Variants in DNAJC6 observed in about 807,000 individuals in gnomAD.
The protein encoded by DNAJC6 is auxilin.
A neutral mutation model predicts 110.0 loss-of-function variants in DNAJC6; 34 were observed. The observed-to-expected ratio is 0.31, with a 90% CI of 0.24 to 0.41. The LOEUF (loss-of-function observed/expected upper bound fraction) is 0.41, where lower values mean the gene tolerates loss of function less well. Ranked by LOEUF, DNAJC6 falls within the 10% of genes least tolerant of loss-of-function variation. DNAJC6 has a pLI of 1.00. For missense variants in DNAJC6, 1,031 were observed against 1,207.8 expected, an observed-to-expected ratio of 0.85 and a Z score of 2.17; for synonymous variants, 406 against 437.2, an observed-to-expected ratio of 0.93 and a Z score of 0.89.
intron 4 of DNAJC6, among the ~76,000 whole-genome samples, chr1:65,377,987 C>A (rs150597747): frequency 3.9e-5 from 6 of 152,072 alleles, no homozygotes; most frequent in Admixed American, 3.3e-4. Context: ...TCAGGCTTGA[C>A]TCTTTCCTCT....
intron 4 of DNAJC6, among the ~76,000 whole-genome samples, chr1:65,375,662 G>A (rs762039721): frequency 2.0e-5 from 3 of 152,064 alleles, no homozygotes; most frequent in Non-Finnish European, 4.4e-5. Flanking sequence ...TCCTGACCTC[G>A]TGATCCGCCT....
chr1:65,313,591 T>C (rs1315167781), intron 1 of DNAJC6, among the ~76,000 whole-genome samples: 2 of 152,182 alleles, frequency 1.3e-5, no homozygotes, highest in Non-Finnish European at 2.9e-5. Flanking sequence ...GGTTTGAGTT[T>C]TTCCCCATTG....
intron 1 of DNAJC6, among the ~76,000 whole-genome samples, chr1:65,363,159 C>T (rs1238452601): frequency 6.6e-6 from 1 of 152,160 alleles, no homozygotes; most frequent in East Asian, 1.9e-4. Flanking sequence ...GAAAATCCAC[C>T]TCCATGATCC....
chr1:65,312,092 T>C (rs1476241303), intron 1 of DNAJC6, among the ~76,000 whole-genome samples: 1 of 152,218 alleles, frequency 6.6e-6, no homozygotes, highest in Non-Finnish European at 1.5e-5. Flanking sequence ...GATGGGAAAG[T>C]GTTTCATTAA....
chr1:65,275,919 CAG>C (rs1382204320), intron 1 of DNAJC6, among the ~76,000 whole-genome samples: 36 of 136,524 alleles, frequency 2.6e-4, no homozygotes, highest in African/African-American at 9.6e-4. Context: ...TTTTTTGAGA[CAG>C]AGTCTCCCTC....
chr1:65,368,372 TGCTCCA>T (rs769740251), intron 4 of DNAJC6, among the ~76,000 whole-genome samples: 60 of 74,856 alleles, frequency 8.0e-4, no homozygotes, highest in Non-Finnish European at 1.1e-3. Context: ...AAAAATCATA[TGCTCCA>T]ATAGGGATAG....
At chr1:65,281,850 C>T (rs1416706463) in intron 1 of DNAJC6, among the ~76,000 whole-genome samples, 3 of 152,024 alleles carry the variant, frequency 2.0e-5, no homozygotes, top group African/African-American at 4.8e-5. Flanking sequence ...CCTCATGATC[C>T]ACCCACCTCG....
intron 15 of DNAJC6, 32 bp downstream of exon 15, chr1:65,401,912 C>T (rs1214021587): frequency 6.2e-7 from 1 of 1,610,440 alleles, no homozygotes; most frequent in South Asian, 1.1e-5. Context: ...ATACAAATAA[C>T]ATTTATTTAT....
intron 4 of DNAJC6, among the ~76,000 whole-genome samples, chr1:65,377,047 GC>G (rs1295376693): frequency 6.6e-6 from 1 of 152,202 alleles, no homozygotes; most frequent in Non-Finnish European, 1.5e-5. Context: ...ACAGGCGTGA[GC>G]CACCACACCT....
At chr1:65,328,269 T>C (rs977016753) in intron 1 of DNAJC6, among the ~76,000 whole-genome samples, 2 of 152,248 alleles carry the variant, frequency 1.3e-5, no homozygotes, top group Non-Finnish European at 2.9e-5. Flanking sequence ...ATCTCAATGA[T>C]GAATTTATAT....
chr1:65,306,972 TTCTCTCTCTCTCTCTC>T (rs144458447), upstream of DNAJC6, among the ~76,000 whole-genome samples: 118 of 90,414 alleles, frequency 1.3e-3, 3 homozygotes, highest in Middle Eastern at 9.3e-3. Context: ...CTCAATCTGT[TTCTCTCTCTCTCTCTC>T]TCTCTCTCTC....
intron 15 of DNAJC6, among the ~76,000 whole-genome samples, chr1:65,403,168 C>T (rs1428205575): frequency 6.6e-6 from 1 of 152,240 alleles, no homozygotes; most frequent in Non-Finnish European, 1.5e-5. Flanking sequence ...TGGGGCCTTA[C>T]TATGTGCCAG....
intron 1 of DNAJC6, among the ~76,000 whole-genome samples, chr1:65,357,958 C>T (rs1341975886): frequency 6.6e-6 from 1 of 152,084 alleles, no homozygotes; most frequent in Non-Finnish European, 1.5e-5. Flanking sequence ...GCTGGCGGAT[C>T]ACTTTAGGTC....
upstream of DNAJC6, among the ~76,000 whole-genome samples, chr1:65,306,931 T>C (rs368365185): frequency 1.0e-4 from 15 of 150,324 alleles, no homozygotes; most frequent in African/African-American, 3.4e-4. Flanking sequence ...ATAATGGTAA[T>C]AGAGAACAAT....
In DNAJC6 at chr1:65,291,594, T is replaced by C. The variant is rs539166703; in HGVS notation, c.-131+26662T>C. Among the ~76,000 whole-genome samples the C allele has an allele frequency of 4.6e-5, 7 of 152,260 alleles. No individual in the cohort carries two copies. The South Asian group carries it at 1.5e-3, about 32-fold the overall frequency. On this transcript the variant is annotated intron_variant, in intron 1 of 19. Coordinates refer to the DNAJC6 transcript ENST00000263441. ...ATAAAATGTGAACTATATCCCTGCA[T>C]ACTTGAGTGGGATAAAGCTGAGCCA... is the stretch of plus-strand genomic sequence containing the variant.
At chr1:65,388,529 G>A in intron 9 of DNAJC6, 114 bp downstream of exon 9, 1 of 918,024 alleles carries the variant, frequency 1.1e-6, no homozygotes, top group East Asian at 2.5e-5. Context: ...GAACTACTGA[G>A]TGTCACTCAG....
chr1:65,344,090 G>C (rs1317568094), intron 1 of DNAJC6, among the ~76,000 whole-genome samples: 4 of 152,204 alleles, frequency 2.6e-5, no homozygotes, highest in Non-Finnish European at 4.4e-5. Context: ...AGTAGAAACA[G>C]AAGCTGCCTT....
intron 14 of DNAJC6, among the ~76,000 whole-genome samples, chr1:65,401,297 G>C (rs1369046347): frequency 6.6e-6 from 1 of 152,086 alleles, no homozygotes; most frequent in Non-Finnish European, 1.5e-5. Context: ...TTTTTAGCTT[G>C]ACAATTGTCC....
intron 1 of DNAJC6, among the ~76,000 whole-genome samples, chr1:65,293,807 CTG>C: frequency 6.6e-6 from 1 of 152,286 alleles, no homozygotes; most frequent in East Asian, 1.9e-4. Context: ...ATAGTTTTGT[CTG>C]TACACATACA....
Sources: gnomAD v4.1 joint callset for allele counts (sites outside exome capture counted in the v4.1 genomes callset) on GRCh38, gnomAD v4.1.1 for gene constraint, MANE v1.5 for transcripts, NCBI Gene and HGNC (gene_info 2026-07-23, HGNC 2026-07-21) for gene names.